PARD3B: variants seen among roughly 807,000 people sequenced by gnomAD.
PARD3B encodes par-3 family cell polarity regulator beta, also known as partitioning defective 3 homolog B.
A neutral mutation model predicts 130.2 loss-of-function variants in PARD3B; 103 were observed. The ratio of observed to expected loss-of-function variants is 0.79; its 90% CI spans 0.67 to 0.93. The LOEUF (loss-of-function observed/expected upper bound fraction) is 0.93, where lower values mean the gene tolerates loss of function less well. PARD3B is among the 40% of genes least tolerant of loss of function. The probability of loss-of-function intolerance (pLI) is 0.00; values close to 1 mark genes in which losing one functional copy is unlikely to be tolerated. For missense variants in PARD3B, 1,609 were observed against 1,499.2 expected (o/e 1.07, Z -1.21); for synonymous variants, 583 against 553.2 (o/e 1.05, Z -0.76).
rs140000312 is a variant in PARD3B at position 205,287,282 on chromosome 2, C to G, written c.2186-13248C>G. 1.1e-4 allele frequency among the ~76,000 whole-genome samples: 16 copies of G among 152,318 alleles called. No individual in the cohort carries two copies. The highest frequency in any genetic ancestry group is 3.8e-4 in the African/African-American group (16 of 41,572). ...ACAATGGAAAGAAAACAATTTCAAACTAGTTTTGCAAAGATAATTTCTTGA... is the reference window on the plus strand; with the variant it reads ...ACAATGGAAAGAAAACAATTTCAAAGTAGTTTTGCAAAGATAATTTCTTGA... On this transcript the variant is annotated intron_variant, in intron 16 of 22. Coordinates refer to ENST00000406610, the MANE Select transcript of PARD3B (RefSeq NM_001302769.2). The surrounding 1 kb of genome is among the most constrained non-coding windows in gnomAD (Gnocchi z 4.8).
At chr2:205,324,727 T>C (rs942493935) in intron 18 of PARD3B, among the ~76,000 whole-genome samples, 1 of 152,028 alleles carries the variant, frequency 6.6e-6, no homozygotes, top group African/African-American at 2.4e-5. Context: ...CCTATACCTC[T>C]ATACCCAGTC....
At chr2:204,726,586 A>T (rs1442469619) in intron 2 of PARD3B, among the ~76,000 whole-genome samples, 1 of 152,156 alleles carries the variant, frequency 6.6e-6, no homozygotes, top group Non-Finnish European at 1.5e-5. Flanking sequence ...TGATCTTCCT[A>T]GCTGCCTTAC....
chr2:205,100,119 C>T (rs1702661194), intron 4 of PARD3B, among the ~76,000 whole-genome samples: 1 of 152,036 alleles, frequency 6.6e-6, no homozygotes, highest in Non-Finnish European at 1.5e-5. Flanking sequence ...CTAACTGGAA[C>T]TAGATGAAAA....
Position 205,615,669 on chromosome 2 carries a change from C to T in PARD3B, c.3474C>T (p.Asp1158=), listed in dbSNP as rs17682782. Residue 1158 remains aspartate, a synonymous_variant, in exon 23 of 23, where the codon GAC becomes GAT. Transcript: ENST00000406610. ...APQHKGPFRQ[D]VPPSPPQHQR... is the part of the protein sequence containing the mutation. Reference sequence around the variant, plus strand: ...AGCACAAAGGACCCTTTCGACAAGACGTTCCGCCTTCCCCTCCCCAGCACC... The same window carrying T: ...AGCACAAAGGACCCTTTCGACAAGATGTTCCGCCTTCCCCTCCCCAGCACC... 0.093 allele frequency: 149,618 copies of T among 1,613,842 alleles called. 7,875 individuals carry two copies. The highest frequency in any genetic ancestry group is 0.11 in the Non-Finnish European group (127,688 of 1,179,862).
rs532691256 is a variant in PARD3B at position 205,302,393 on chromosome 2, G to A, written c.2630+692G>A. ...AGAAAAAAAAAATTAGCCAGGCACA[G>A]TGGTGCATACCTGTAATCCCAAGTA... is the stretch of plus-strand genomic sequence containing the variant. On this transcript the variant is annotated intron_variant, in intron 18 of 22. Coordinates refer to ENST00000406610, the MANE Select transcript of PARD3B (RefSeq NM_001302769.2). Among the ~76,000 whole-genome samples, 32 of 152,210 alleles carry A rather than the reference G, an allele frequency of 2.1e-4. 1 individual carries two copies. In the South Asian group the frequency reaches 6.6e-3, roughly 32 times the overall value.
At chr2:204,895,327 A>C (rs950005767) in intron 2 of PARD3B, among the ~76,000 whole-genome samples, 6 of 152,136 alleles carry the variant, frequency 3.9e-5, no homozygotes, top group Admixed American at 1.3e-4. Context: ...CTTTAAGAAA[A>C]GGATACTTAT....
intron 20 of PARD3B, among the ~76,000 whole-genome samples, chr2:205,484,544 C>T (rs2049365091): frequency 6.6e-6 from 1 of 152,070 alleles, no homozygotes; most frequent in Admixed American, 6.6e-5. Flanking sequence ...AGATTTTTTT[C>T]AAAATCATCT....
chr2:204,660,720 C>T (rs1311264304), intron 1 of PARD3B, among the ~76,000 whole-genome samples: 1 of 152,090 alleles, frequency 6.6e-6, no homozygotes, highest in East Asian at 1.9e-4. Context: ...TATCCCCCCT[C>T]TGTGAAATTA....
At chr2:205,465,849 G>A (rs970756008) in intron 20 of PARD3B, among the ~76,000 whole-genome samples, 2 of 152,206 alleles carry the variant, frequency 1.3e-5, no homozygotes, top group Admixed American at 6.5e-5. Context: ...GCTAAAAGCT[G>A]CATTAATTGA....
At chr2:204,682,750 C>T (rs1354881027) in intron 1 of PARD3B, among the ~76,000 whole-genome samples, 2 of 152,158 alleles carry the variant, frequency 1.3e-5, no homozygotes, top group Non-Finnish European at 2.9e-5. Context: ...TGCTTGGGCC[C>T]CTCCAAGTTT....
intron 1 of PARD3B, among the ~76,000 whole-genome samples, chr2:204,555,824 T>G (rs1480441534): frequency 6.6e-6 from 1 of 152,186 alleles, no homozygotes; most frequent in East Asian, 1.9e-4. Context: ...TATCTGCTTC[T>G]TTCATAGTTT....
intron 16 of PARD3B, among the ~76,000 whole-genome samples, chr2:205,279,128 T>C (rs984542788): frequency 2.0e-5 from 3 of 150,136 alleles, no homozygotes; most frequent in Non-Finnish European, 4.4e-5. Context: ...CTTTAATTAT[T>C]ATACTAAATT....
chr2:204,725,774 GA>G (rs1292261148), intron 2 of PARD3B, among the ~76,000 whole-genome samples: 1 of 152,118 alleles, frequency 6.6e-6, no homozygotes, highest in Non-Finnish European at 1.5e-5. Flanking sequence ...AAAACAACCA[GA>G]AAACCAAAGC....
chr2:205,102,733 A>G (rs1702869252), intron 4 of PARD3B, among the ~76,000 whole-genome samples: 1 of 152,172 alleles, frequency 6.6e-6, no homozygotes, highest in African/African-American at 2.4e-5. Context: ...TTTCACTACA[A>G]CAAAGTGCTT....
Position 205,397,444 on chromosome 2 carries a change from A to G in PARD3B, c.2631-3569A>G, listed in dbSNP as rs922603903. On this transcript the variant is annotated intron_variant, in intron 18 of 22. Transcript: ENST00000406610. The surrounding 1 kb of genome is among the most constrained non-coding windows in gnomAD (Gnocchi z 4.8). ...TAACATGTTTTTTTTCTTACCAAAC[A>G]TATTCCACTGTGAGGGAAGGATAAT... Among the ~76,000 whole-genome samples the G allele has an allele frequency of 6.6e-6, 1 of 152,246 alleles. No homozygotes were observed. The highest frequency in any genetic ancestry group is 2.4e-5 in the African/African-American group (1 of 41,468).
Position 205,150,252 on chromosome 2 carries a change from T to TGTGTGCGCGC in PARD3B, c.1435-8469_1435-8468insTGTGCGCGCG, listed in dbSNP as rs375301293. Among the ~76,000 whole-genome samples the TGTGTGCGCGC allele has an allele frequency of 2.7e-3, 398 of 145,866 alleles. 3 individuals are homozygous for TGTGTGCGCGC. Among genetic ancestry groups the TGTGTGCGCGC allele is most frequent in the African/African-American group, 9.4e-3 (366 of 38,946 alleles). The stretch of plus-strand genomic sequence containing the variant: ...GTGTGTGTGTGTGTGTGTGTGTGTG[T>TGTGTGCGCGC]GCACACACGCTTGAAATCTGTGAGT... On this transcript the variant is annotated intron_variant, in intron 10 of 22. Coordinates refer to ENST00000406610, the MANE Select transcript of PARD3B (RefSeq NM_001302769.2).
intron 2 of PARD3B, among the ~76,000 whole-genome samples, chr2:204,736,387 C>T (rs760465660): frequency 1.3e-5 from 2 of 152,140 alleles, no homozygotes; most frequent in South Asian, 4.2e-4. Context: ...ACTGTGTGTA[C>T]ATTGCACCTA....
Position 205,473,674 on chromosome 2 carries a change from GTGTGTGTA to G in PARD3B, c.3045-26218_3045-26211del, listed in dbSNP as rs1436818233. 2.1e-5 allele frequency among the ~76,000 whole-genome samples: 2 copies of G among 95,984 alleles called. No individual in the cohort carries two copies. The highest frequency in any genetic ancestry group is 3.1e-4 in the South Asian group (1 of 3,208). 63.0% of individuals were successfully genotyped at this position (95,984 alleles called of 152,430 possible). A position where few individuals can be genotyped will look rare whatever the true frequency, so the allele number is the denominator to read the frequency against. On this transcript the variant is annotated intron_variant, in intron 20 of 22. Coordinates refer to ENST00000406610, the MANE Select transcript of PARD3B (RefSeq NM_001302769.2). The surrounding 1 kb of genome is among the most constrained non-coding windows in gnomAD (Gnocchi z 4.9). ...TATATATGTGTGTGTGTGTGTGTGTGTGTGTGTATGTATATATATATATATATATATAT... is the reference window on the plus strand; with the variant it reads ...TATATATGTGTGTGTGTGTGTGTGTGTGTATATATATATATATATATATAT...
chr2:204,883,268 G>T (rs2046121341), intron 2 of PARD3B, among the ~76,000 whole-genome samples: 1 of 150,696 alleles, frequency 6.6e-6, no homozygotes, highest in African/African-American at 2.4e-5. Context: ...CTGTCATTGT[G>T]TTAATATTTT....
Sources: allele counts gnomAD v4.1 joint callset (sites outside exome capture counted in the v4.1 genomes callset), GRCh38; gene constraint gnomAD v4.1.1; non-coding constraint Gnocchi (gnomAD v3.1); transcripts MANE v1.5; gene names NCBI Gene and HGNC (gene_info 2026-07-23, HGNC 2026-07-21).